CDKL5: variants seen among roughly 807,000 people sequenced by gnomAD.
CDKL5 encodes the protein cyclin dependent kinase like 5.
A neutral mutation model predicts 61.7 loss-of-function variants in CDKL5; 8 were observed. The observed-to-expected ratio is 0.13, with a 90% CI of 0.08 to 0.23. CDKL5 has a LOEUF of 0.23. Ranked by LOEUF, CDKL5 falls within the 10% of genes least tolerant of loss-of-function variation. The pLI is 1.00. For missense variants in CDKL5, 440 were observed against 734.5 expected (o/e 0.60, Z 4.63); for synonymous variants, 275 against 272.3 (o/e 1.01, Z -0.10).
At chrX:18,533,998 C>T (rs1923737394) in intron 3 of CDKL5, among the ~76,000 whole-genome samples, 1 of 112,037 alleles carries the variant, frequency 8.9e-6, no homozygotes, top group Admixed American at 9.5e-5. Context: ...AGTGTAATCT[C>T]ACTTTCTGTC....
chrX:18,556,363 A>G (rs1309117216), intron 3 of CDKL5, among the ~76,000 whole-genome samples: 1 of 111,739 alleles, frequency 8.9e-6, no homozygotes, highest in Non-Finnish European at 1.9e-5. Context: ...CAAAATTTAC[A>G]TACACATGGC....
intron 16 of CDKL5, among the ~76,000 whole-genome samples, chrX:18,622,239 G>A (rs1230736331): frequency 8.9e-6 from 1 of 111,844 alleles, no homozygotes; most frequent in African/African-American, 3.2e-5. Flanking sequence ...ACATCCTCTC[G>A]ACTTAAACTT....
At chrX:18,513,182 C>T (rs1922889023) in intron 3 of CDKL5, among the ~76,000 whole-genome samples, 1 of 111,672 alleles carries the variant, frequency 9.0e-6, no homozygotes, top group Non-Finnish European at 1.9e-5. Context: ...TCTCCTTCTG[C>T]CTTTTATATA....
At chrX:18,462,584 G>A (rs986720229) in intron 1 of CDKL5, among the ~76,000 whole-genome samples, 1 of 111,738 alleles carries the variant, frequency 8.9e-6, no homozygotes, top group African/African-American at 3.3e-5. Flanking sequence ...AAGAAGGCAG[G>A]GGCCTTACTG....
At chrX:18,582,009 G>C in intron 7 of CDKL5, 59 bp downstream of exon 7, 1 of 812,855 alleles carries the variant, frequency 1.2e-6, no homozygotes, top group Non-Finnish European at 1.9e-6. Flanking sequence ...GTAACACATA[G>C]GTAGCTTTTA....
In CDKL5 at chrX:18,630,188, T is replaced by TA. The variant is rs1015996900; in HGVS notation, c.*1432dup. ...TGACAAGATTTTCATGCACACCTGTTACGCACACAACCCCCATCAGAACAG... is the reference window on the plus strand; with the variant it reads ...TGACAAGATTTTCATGCACACCTGTTAACGCACACAACCCCCATCAGAACAG... On this transcript the variant is annotated 3_prime_UTR_variant, in exon 18 of 18. Transcript: ENST00000623535. 5.3e-6 allele frequency: 4 copies of TA among 753,886 alleles called. No individual in the cohort carries two copies. The highest frequency in any genetic ancestry group is 6.3e-6 in the Non-Finnish European group (4 of 639,160). The allele number at this position is 753,886 out of a possible 1,213,427, so 62.1% of individuals were successfully genotyped here. A position where few individuals can be genotyped will look rare whatever the true frequency, so the allele number is the denominator to read the frequency against.
At chrX:18,516,710 G>C (rs1460910931) in intron 3 of CDKL5, among the ~76,000 whole-genome samples, 1 of 110,570 alleles carries the variant, frequency 9.0e-6, no homozygotes, top group Admixed American at 9.7e-5. Context: ...AGAAATAATG[G>C]GTCATGTGTC....
intron 3 of CDKL5, among the ~76,000 whole-genome samples, chrX:18,543,579 A>G (rs1924096659): frequency 9.0e-6 from 1 of 111,469 alleles, no homozygotes; most frequent in African/African-American, 3.3e-5. Flanking sequence ...TATAATGAAA[A>G]TTCTAAAATC....
rs1479059566 is a variant in CDKL5, at chrX:18,647,158, G to C, written c.2797+1068G>C. ...TAGAGAGGCCTATTTTTTTTTAAAA[G>C]CACATGAAAAAAAATCCCCGGGCCC... On this transcript the variant is annotated intron_variant, in intron 20 of 21. Transcript: ENST00000379989. 4.1e-6 allele frequency: 5 copies of C among 1,206,154 alleles called. No individual in the cohort carries two copies. In the Admixed American group the frequency reaches 1.1e-4, roughly 26 times the overall value.
At chrX:18,445,171 G>A (rs1207046736) in intron 1 of CDKL5, among the ~76,000 whole-genome samples, 7 of 106,680 alleles carry the variant, frequency 6.6e-5, no homozygotes, top group Non-Finnish European at 1.3e-4. Flanking sequence ...TCTGGTTCCC[G>A]GGTTCAAGTG....
At chrX:18,439,394 G>GGT (rs752724398) in intron 1 of CDKL5, among the ~76,000 whole-genome samples, 2,407 of 101,790 alleles carry the variant, frequency 0.024, 48 homozygotes, top group African/African-American at 0.055. Context: ...TTCCATAATA[G>GGT]GTGTGTGTGT....
At chrX:18,641,804 C>T, downstream of CDKL5, 1 of 435,313 alleles carries the variant, frequency 2.3e-6, no homozygotes, top group Non-Finnish European at 4.0e-6. Context: ...TTCTCTGGCC[C>T]TGAGTGGGGA....
intron 3 of CDKL5, among the ~76,000 whole-genome samples, chrX:18,533,887 TG>T (rs1923732629): frequency 8.9e-6 from 1 of 111,989 alleles, no homozygotes; most frequent in Admixed American, 9.5e-5. Context: ...TGTGCTGCTC[TG>T]TAGGTTCCTC....
At chrX:18,535,285 C>T (rs148299500) in intron 3 of CDKL5, 99 of 116,159 alleles carry the variant, frequency 8.5e-4, no homozygotes, top group Non-Finnish European at 1.0e-3. Context: ...GCCAATCTCC[C>T]ATGTATGCTT....
chrX:18,604,087 G>A lies in CDKL5; in HGVS notation c.1163G>A (p.Ser388Asn), dbSNP rs779090061. 1.7e-6 allele frequency: 2 copies of A among 1,211,294 alleles called. No individual in the cohort carries two copies. The highest frequency in any genetic ancestry group is 3.5e-5 in the South Asian group (2 of 56,968). The change falls in exon 12 of 18, where the codon AGC (serine) becomes AAC (asparagine). Residue 388 changes from serine (S) to asparagine (N), a missense_variant. Ser to Asn is a conservative substitution (Grantham distance 46). Coordinates refer to ENST00000623535, the MANE Select transcript of CDKL5 (RefSeq NM_001323289.2). ...PLHTKTYQAS[S>N]QPGSTSKDLT... is the part of the protein sequence containing the mutation. Reference sequence around the variant, plus strand: ...CACACCAAAACCTACCAAGCAAGCAGCCAGCCTGGGTCTACCAGCAAAGAT... The same window carrying A: ...CACACCAAAACCTACCAAGCAAGCAACCAGCCTGGGTCTACCAGCAAAGAT...
chrX:18,630,503 G>A lies in CDKL5; in HGVS notation c.*1746G>A. On this transcript the variant is annotated 3_prime_UTR_variant, in exon 18 of 18. Coordinates refer to ENST00000623535, the MANE Select transcript of CDKL5 (RefSeq NM_001323289.2). ...ATCAAGTCAGCTATGATCAAAATGT[G>A]CTGTTACTGTTAACCCTCCCCCGAG... The A allele has an allele frequency of 4.0e-6, 3 of 751,837 alleles. No homozygotes were observed. Among genetic ancestry groups the A allele is most frequent in the Non-Finnish European group, 4.7e-6 (3 of 638,034 alleles). The allele number at this position is 751,837 out of a possible 1,213,427, so 62.0% of individuals were successfully genotyped here.
At chrX:18,442,670 A>G (rs1024358107) in intron 1 of CDKL5, among the ~76,000 whole-genome samples, 25 of 110,160 alleles carry the variant, frequency 2.3e-4, no homozygotes, top group African/African-American at 7.3e-4. Context: ...CTTTTTTTGT[A>G]TTTTTGGTAG....
chrX:18,489,104 T>C (rs1686319575), intron 1 of CDKL5, among the ~76,000 whole-genome samples: 1 of 111,299 alleles, frequency 9.0e-6, no homozygotes, highest in African/African-American at 3.3e-5. Context: ...GAGAGAATAC[T>C]GTCTGGCACC....
chrX:18,505,904 G>A (rs1322509555), intron 1 of CDKL5, among the ~76,000 whole-genome samples: 1 of 112,680 alleles, frequency 8.9e-6, no homozygotes, highest in African/African-American at 3.2e-5. Context: ...GATCATACTT[G>A]CTTGAAATAA....
Sources: gnomAD v4.1 joint callset for allele counts (sites outside exome capture counted in the v4.1 genomes callset) on GRCh38, gnomAD v4.1.1 for gene constraint, MANE v1.5 for transcripts, NCBI Gene and HGNC (gene_info 2026-07-23, HGNC 2026-07-21) for gene names.